Variants in ABLIM3 observed in about 807,000 individuals in gnomAD.
ABLIM3 encodes the protein actin-binding LIM protein 3.
A neutral mutation model predicts 109.5 loss-of-function variants in ABLIM3; 61 were observed. The ratio of observed to expected loss-of-function variants is 0.56; its 90% CI spans 0.45 to 0.69. The LOEUF (loss-of-function observed/expected upper bound fraction) is 0.69. Ranked by LOEUF, ABLIM3 falls within the 30% of genes least tolerant of loss-of-function variation. The pLI, the probability that ABLIM3 is intolerant of heterozygous loss-of-function variation, is 0.00. For missense variants in ABLIM3, 796 were observed against 889.5 expected (o/e 0.89, Z 1.34); for synonymous variants, 300 against 324.8 (o/e 0.92, Z 0.82).
At chr5:149,177,657 A>G (rs773527830) in intron 2 of ABLIM3, among the ~76,000 whole-genome samples, 1 of 152,190 alleles carries the variant, frequency 6.6e-6, no homozygotes, top group Non-Finnish European at 1.5e-5. Context: ...TTTTCTTGGC[A>G]GTCAGCAAAA....
intron 5 of ABLIM3, among the ~76,000 whole-genome samples, chr5:149,204,336 T>C (rs1231350917): frequency 6.6e-6 from 1 of 152,182 alleles, no homozygotes; most frequent in Non-Finnish European, 1.5e-5. Context: ...GGGTGTGGTT[T>C]TCCTGATTCT....
intron 2 of ABLIM3, among the ~76,000 whole-genome samples, chr5:149,160,303 A>G (rs1013390096): frequency 1.3e-5 from 2 of 152,070 alleles, no homozygotes; most frequent in Non-Finnish European, 2.9e-5. Context: ...AAAAAAAATT[A>G]CAAAAATTAG....
chr5:149,239,663 C>T (rs1752593577), intron 12 of ABLIM3, 96 bp from the exon 13 acceptor site: 5 of 1,485,010 alleles, frequency 3.4e-6, no homozygotes, highest in Non-Finnish European at 4.5e-6. Flanking sequence ...ACCCGAGAAT[C>T]CCAGATTCCA....
chr5:149,242,520 C>T lies in ABLIM3; in HGVS notation c.1333C>T (p.Pro445Ser), dbSNP rs368153520. The T allele has an allele frequency of 3.7e-6, 6 of 1,614,028 alleles. No homozygotes were observed. In the African/African-American group the frequency reaches 6.7e-5, roughly 18 times the overall value. ...AGACAGTAACATCTACCGGAAACCC[C>T]CGATCTACAAACGGCATGGTATGGT... ...AGDSNIYRKP[P>S]IYKRHGDLST... The change falls in exon 15 of 24, where the codon CCG (proline) becomes TCG (serine). Residue 445 changes from proline to serine, a missense_variant. Transcript: ENST00000309868.
At chr5:149,155,940 C>T (rs1185594692) in intron 2 of ABLIM3, among the ~76,000 whole-genome samples, 1 of 152,182 alleles carries the variant, frequency 6.6e-6, no homozygotes, top group African/African-American at 2.4e-5. Context: ...CAGAGCTGTG[C>T]ATTATTTAGG....
rs377700223 is a variant in ABLIM3, at chr5:149,207,476, C to T, written c.575+342C>T. 9.8e-5 allele frequency among the ~76,000 whole-genome samples: 15 copies of T among 152,320 alleles called. 1 individual carries two copies. Among genetic ancestry groups the T allele is most frequent in the African/African-American group, 3.6e-4 (15 of 41,552 alleles). On this transcript the variant is annotated intron_variant, in intron 6 of 23. Coordinates refer to ENST00000309868, the MANE Select transcript of ABLIM3 (RefSeq NM_014945.5). ...TTGTTTCCTTCACACAGGCTACCACCATTGGTAATTACATATTTATCCCTG... is the reference window on the plus strand; with the variant it reads ...TTGTTTCCTTCACACAGGCTACCACTATTGGTAATTACATATTTATCCCTG...
chr5:149,242,332 G>A (rs1038697311), intron 14 of ABLIM3, among the ~76,000 whole-genome samples, 159 bp from the exon 15 acceptor site: 2 of 152,166 alleles, frequency 1.3e-5, no homozygotes, highest in Non-Finnish European at 2.9e-5. Flanking sequence ...AACTTTGGAA[G>A]AGGAAGTCAC....
intron 3 of ABLIM3, among the ~76,000 whole-genome samples, chr5:149,195,723 C>A (rs527356987): frequency 9.2e-5 from 14 of 152,322 alleles, no homozygotes; most frequent in African/African-American, 2.6e-4. Context: ...ACCACCTGCA[C>A]GGCCCAGAAC....
intron 7 of ABLIM3, 62 bp from the exon 8 acceptor site, chr5:149,216,897 A>G: frequency 6.9e-7 from 1 of 1,447,980 alleles, no homozygotes; most frequent in Middle Eastern, 1.9e-4. Context: ...TTCAAACCCA[A>G]TCTGCCCCAC....
At chr5:149,141,910 A>G in intron 1 of ABLIM3, 99 bp from the exon 2 acceptor site, 1 of 848,068 alleles carries the variant, frequency 1.2e-6, no homozygotes, top group Non-Finnish European at 1.9e-6. Flanking sequence ...ACGCGCCTTC[A>G]AGGCCAGGGG....
intron 3 of ABLIM3, among the ~76,000 whole-genome samples, chr5:149,192,239 A>G (rs1757546209): frequency 6.6e-6 from 1 of 152,146 alleles, no homozygotes; most frequent in African/African-American, 2.4e-5. Flanking sequence ...TATTATTTTT[A>G]GATTATATAA....
chr5:149,145,181 C>T (rs1752802982), intron 2 of ABLIM3, among the ~76,000 whole-genome samples: 2 of 152,044 alleles, frequency 1.3e-5, no homozygotes, highest in African/African-American at 4.8e-5. Context: ...TCTATTTTTG[C>T]CATCTTTATG....
At chr5:149,157,558 A>G (rs964130156) in intron 2 of ABLIM3, among the ~76,000 whole-genome samples, 7 of 119,432 alleles carry the variant, frequency 5.9e-5, no homozygotes, top group Middle Eastern at 6.0e-3. Context: ...ATGCTAGCCA[A>G]TCAGAGTTTC....
chr5:149,159,919 A>G (rs1754187086), intron 2 of ABLIM3, among the ~76,000 whole-genome samples: 2 of 152,070 alleles, frequency 1.3e-5, no homozygotes, highest in Admixed American at 1.3e-4. Flanking sequence ...ATTTGTACTT[A>G]TCCCTGGTTT....
At chr5:149,226,113 C>T (rs1016959232) in intron 8 of ABLIM3, among the ~76,000 whole-genome samples, 1 of 149,294 alleles carries the variant, frequency 6.7e-6, no homozygotes, top group African/African-American at 2.5e-5. Flanking sequence ...TTCCAAGGTT[C>T]CTCCCAGTCT....
At chr5:149,179,665 T>C (rs1473433140) in intron 2 of ABLIM3, among the ~76,000 whole-genome samples, 5 of 152,084 alleles carry the variant, frequency 3.3e-5, no homozygotes, top group African/African-American at 1.2e-4. Context: ...CTCTGCCTGG[T>C]GTTTTGTTGT....
chr5:149,155,729 G>C (rs1052787442), intron 2 of ABLIM3, among the ~76,000 whole-genome samples: 2 of 152,208 alleles, frequency 1.3e-5, no homozygotes, highest in African/African-American at 4.8e-5. Context: ...GAAATAAAAA[G>C]ACAGAAAGCC....
In ABLIM3 at chr5:149,210,839, C is replaced by A; in HGVS notation, c.669+20C>A. 1.2e-6 allele frequency: 2 copies of A among 1,608,010 alleles called. No homozygotes were observed. The highest frequency in any genetic ancestry group is 8.5e-7 in the Non-Finnish European group (1 of 1,174,556). ...TTGGAGGTGAGTGGGTATAAGTAAC[C>A]GTGAAGATGTGGCAGGGTGATCTGT... On this transcript the variant is annotated intron_variant, in intron 7 of 23. Transcript: ENST00000309868.
intron 2 of ABLIM3, among the ~76,000 whole-genome samples, chr5:149,161,666 A>G (rs1754384091): frequency 6.6e-6 from 1 of 152,174 alleles, no homozygotes; most frequent in Admixed American, 6.5e-5. Flanking sequence ...GAGGCTGAGC[A>G]AGTGAAAATC....
Sources: allele counts gnomAD v4.1 joint callset (sites outside exome capture counted in the v4.1 genomes callset), GRCh38; gene constraint gnomAD v4.1.1; transcripts MANE v1.5; gene names NCBI Gene and HGNC (gene_info 2026-07-23, HGNC 2026-07-21).